RNF150: variants seen among roughly 807,000 people sequenced by gnomAD.
The protein encoded by RNF150 is ring finger protein 150.
Under a neutral mutation model 39.3 loss-of-function variants are expected in RNF150, and 24 were observed. The observed-to-expected ratio is 0.61, with a 90% CI of 0.44 to 0.86. RNF150 has a LOEUF of 0.86. RNF150 is among the 40% of genes least tolerant of loss of function. The pLI is 0.00. For synonymous variants in RNF150, 255 were observed against 227.3 expected (o/e 1.12, Z -1.10); for missense variants, 502 against 587.8 (o/e 0.85, Z 1.51).
chr4:141,065,919 A>G (rs1035085393), intron 1 of RNF150, among the ~76,000 whole-genome samples: 2 of 152,068 alleles, frequency 1.3e-5, no homozygotes, highest in East Asian at 3.9e-4. Flanking sequence ...AATCAGCTGG[A>G]ATCCTCTCTC....
At chr4:141,004,632 C>T (rs142120460) in intron 1 of RNF150, among the ~76,000 whole-genome samples, 60 of 152,266 alleles carry the variant, frequency 3.9e-4, no homozygotes, top group African/African-American at 1.3e-3. Context: ...TGACCAATGA[C>T]CCTTGTGTCA....
chr4:141,000,010 AGAAGAAGAAGAAGAAGAAGAAGAAG>A lies in RNF150; in HGVS notation c.485-32162_485-32138del, dbSNP rs1734565553. Reference sequence around the variant, plus strand: ...AAAGAAGAAAAGAAGAAGAAGAAGAAGAAGAAGAAGAAGAAGAAGAAGAAGAAGAAGAAGAAGAAGAAGAAGAAGA... The same window carrying A: ...AAAGAAGAAAAGAAGAAGAAGAAGAAAAGAAGAAGAAGAAGAAGAAGAAGA... On this transcript the variant is annotated intron_variant, in intron 1 of 6. Coordinates refer to ENST00000515673, the MANE Select transcript of RNF150 (RefSeq NM_020724.2). 1.1e-4 allele frequency among the ~76,000 whole-genome samples: 4 copies of A among 37,376 alleles called. 1 individual carries two copies. Among genetic ancestry groups the A allele is most frequent in the African/African-American group, 2.0e-4 (2 of 10,052 alleles). 24.5% of individuals were successfully genotyped at this position (37,376 alleles called of 152,430 possible). A position where few individuals can be genotyped will look rare whatever the true frequency, so the allele number is the denominator to read the frequency against.
chr4:141,032,856 A>C (rs1476583758), intron 1 of RNF150, among the ~76,000 whole-genome samples: 2 of 152,226 alleles, frequency 1.3e-5, no homozygotes, highest in Non-Finnish European at 2.9e-5. Flanking sequence ...ATGTCTAAAA[A>C]AGCAATGTAC....
chr4:140,929,358 G>GTT lies in RNF150; in HGVS notation c.891-3287_891-3286dup, dbSNP rs532514901. Among the ~76,000 whole-genome samples, 207 of 51,594 alleles carry GTT rather than the reference G, an allele frequency of 4.0e-3. 19 individuals carry two copies. The highest frequency in any genetic ancestry group is 0.011 in the African/African-American group (146 of 12,712). The allele number at this position is 51,594 out of a possible 152,430, so 33.8% of individuals were successfully genotyped here. ...TTCTTACACCTCCTCTGGATGCTAA[G>GTT]TTTTTTTTTTTTTTTTTTTTTTTTT... On this transcript the variant is annotated intron_variant, in intron 4 of 6. Coordinates refer to ENST00000515673, the MANE Select transcript of RNF150 (RefSeq NM_020724.2).
At position 140,942,034 on chromosome 4, in the gene RNF150, T is replaced by C. The variant is rs567051806; in HGVS notation, c.890+5620A>G. Among the ~76,000 whole-genome samples, 12 of 152,330 alleles carry C rather than the reference T, an allele frequency of 7.9e-5. No homozygotes were observed. In the South Asian group the frequency reaches 2.1e-3, roughly 26 times the overall value. On this transcript the variant is annotated intron_variant, in intron 4 of 6. Coordinates refer to ENST00000515673, the MANE Select transcript of RNF150 (RefSeq NM_020724.2). ...GCTGTTTAGTGAATTCAGAGTTTCA[T>C]GTTGGAGGTTGAGACGTTCTAGAGA...
chr4:141,098,472 T>A (rs780669787), intron 1 of RNF150, among the ~76,000 whole-genome samples: 7 of 152,236 alleles, frequency 4.6e-5, no homozygotes, highest in Non-Finnish European at 1.0e-4. Flanking sequence ...TGCCTCATAC[T>A]GGGAGTCAAG....
At chr4:141,026,603 A>T (rs1735706138) in intron 1 of RNF150, among the ~76,000 whole-genome samples, 1 of 152,206 alleles carries the variant, frequency 6.6e-6, no homozygotes, top group African/African-American at 2.4e-5. Flanking sequence ...CAAGCATCTA[A>T]GCTGCAAAGC....
intron 1 of RNF150, among the ~76,000 whole-genome samples, chr4:141,062,394 C>A (rs1175313897): frequency 6.6e-6 from 1 of 152,064 alleles, no homozygotes; most frequent in African/African-American, 2.4e-5. Flanking sequence ...TGTCTACACA[C>A]ACACACGCAC....
chr4:140,930,754 T>C (rs921743996), intron 4 of RNF150, among the ~76,000 whole-genome samples: 2 of 152,212 alleles, frequency 1.3e-5, no homozygotes, highest in African/African-American at 2.4e-5. Context: ...ATCCCACTCA[T>C]TGTTGCCAGA....
At chr4:140,941,838 C>T (rs1235861143) in intron 4 of RNF150, among the ~76,000 whole-genome samples, 1 of 152,126 alleles carries the variant, frequency 6.6e-6, no homozygotes, top group African/African-American at 2.4e-5. Flanking sequence ...ATAAAATTAT[C>T]ACTGTCAGGG....
At chr4:141,010,949 G>A (rs1735053702) in intron 1 of RNF150, among the ~76,000 whole-genome samples, 1 of 152,132 alleles carries the variant, frequency 6.6e-6, no homozygotes, top group African/African-American at 2.4e-5. Context: ...CCTCTTGCCT[G>A]AGTCTAAGAG....
At chr4:141,209,782 G>A (rs11945396) in intron 1 of RNF150, among the ~76,000 whole-genome samples, 33,644 of 151,950 alleles carry the variant, frequency 0.22, 3,966 homozygotes, top group South Asian at 0.32. Flanking sequence ...AAAAAACTCT[G>A]ATTTCTTGAG....
At chr4:140,997,711 CAT>C (rs1220249360) in intron 1 of RNF150, among the ~76,000 whole-genome samples, 2 of 150,130 alleles carry the variant, frequency 1.3e-5, no homozygotes, top group African/African-American at 2.5e-5. Flanking sequence ...TATACACACA[CAT>C]ATATGTGTGT....
At chr4:141,072,115 A>G (rs1018109559) in intron 1 of RNF150, among the ~76,000 whole-genome samples, 1 of 152,210 alleles carries the variant, frequency 6.6e-6, no homozygotes, top group Non-Finnish European at 1.5e-5. Flanking sequence ...GCATGAACAA[A>G]CACACTGTGA....
chr4:141,130,243 T>C (rs1397074321), intron 1 of RNF150, among the ~76,000 whole-genome samples: 5 of 152,234 alleles, frequency 3.3e-5, no homozygotes, highest in Non-Finnish European at 7.3e-5. Context: ...CTGTCATGTA[T>C]CTGCTCATAA....
rs114009647 is a variant in RNF150, at chr4:141,140,295, A to G, written c.-6+72499T>C. ...TTTTTCTTTTTTGCTCCTTTGAATTATCAAGTGACTTCTTTTTATTTCAGT... is the reference window on the plus strand; with the variant it reads ...TTTTTCTTTTTTGCTCCTTTGAATTGTCAAGTGACTTCTTTTTATTTCAGT... On this transcript the variant is annotated intron_variant, in intron 1 of 7. Transcript: ENST00000420921. Among the ~76,000 whole-genome samples the G allele has an allele frequency of 3.5e-3, 529 of 152,298 alleles. 4 individuals carry two copies. The highest frequency in any genetic ancestry group is 0.012 in the African/African-American group (507 of 41,568).
chr4:141,106,084 T>G (rs1739187386), intron 1 of RNF150, among the ~76,000 whole-genome samples: 1 of 152,362 alleles, frequency 6.6e-6, no homozygotes, highest in Middle Eastern at 3.4e-3. Context: ...TTTCTCAAAG[T>G]GTTCACATCT....
At chr4:141,098,535 A>G (rs1468938658) in intron 1 of RNF150, among the ~76,000 whole-genome samples, 1 of 152,250 alleles carries the variant, frequency 6.6e-6, no homozygotes, top group Non-Finnish European at 1.5e-5. Flanking sequence ...TGATCTTGAA[A>G]TAATTTTTCC....
At chr4:141,004,046 C>A (rs1734773597) in intron 1 of RNF150, among the ~76,000 whole-genome samples, 1 of 152,112 alleles carries the variant, frequency 6.6e-6, no homozygotes, top group Non-Finnish European at 1.5e-5. Context: ...AAAAATTATA[C>A]CTGCTACAGT....
Sources: allele counts gnomAD v4.1 joint callset (sites outside exome capture counted in the v4.1 genomes callset), GRCh38; gene constraint gnomAD v4.1.1; transcripts MANE v1.5; gene names NCBI Gene and HGNC (gene_info 2026-07-23, HGNC 2026-07-21).